ROBO1: variants seen among roughly 807,000 people sequenced by gnomAD.
ROBO1 encodes the protein roundabout homolog 1.
A neutral mutation model predicts 195.9 loss-of-function variants in ROBO1; 149 were observed. The observed-to-expected ratio is 0.76, with a 90% CI of 0.67 to 0.87. The LOEUF is 0.87. ROBO1 is among the 40% of genes least tolerant of loss of function. ROBO1 has a pLI of 0.00. For synonymous variants in ROBO1, 816 were observed against 733.2 expected, an observed-to-expected ratio of 1.11 and a Z score of -1.82; for missense variants, 1,933 against 2,068.3, an observed-to-expected ratio of 0.93 and a Z score of 1.27.
At chr3:79,573,481 ATATT>A (rs1393248969) in intron 2 of ROBO1, among the ~76,000 whole-genome samples, 3 of 152,130 alleles carry the variant, frequency 2.0e-5, no homozygotes, top group Non-Finnish European at 4.4e-5. Context: ...GTCTTCAATT[ATATT>A]TATTATTCAT....
chr3:79,733,764 C>T (rs1703255566), intron 1 of ROBO1, among the ~76,000 whole-genome samples: 1 of 152,102 alleles, frequency 6.6e-6, no homozygotes, highest in South Asian at 2.1e-4. Flanking sequence ...ATTTATCACA[C>T]TGCTTTGGGT....
At chr3:78,966,421 C>T (rs1326496165) in intron 3 of ROBO1, among the ~76,000 whole-genome samples, 1 of 152,176 alleles carries the variant, frequency 6.6e-6, no homozygotes, top group Non-Finnish European at 1.5e-5. Flanking sequence ...TGGTACATCA[C>T]AGTCGACGAG....
intron 3 of ROBO1, among the ~76,000 whole-genome samples, chr3:79,042,620 AGAGTTT>A (rs1234921248): frequency 6.6e-6 from 1 of 152,200 alleles, no homozygotes; most frequent in African/African-American, 2.4e-5. Context: ...AATCCTGCAG[AGAGTTT>A]CAAGCATACA....
intron 1 of ROBO1, among the ~76,000 whole-genome samples, chr3:79,614,100 A>C (rs938118048): frequency 6.6e-6 from 1 of 152,064 alleles, no homozygotes; most frequent in Non-Finnish European, 1.5e-5. Flanking sequence ...AGAATGAGAA[A>C]ATATCATTAG....
intron 8 of ROBO1, 23 bp from the exon 9 acceptor site, chr3:78,688,795 C>T: frequency 6.3e-7 from 1 of 1,596,636 alleles, no homozygotes. Flanking sequence ...AAACAAATTA[C>T]ACCGAATTAA....
intron 4 of ROBO1, among the ~76,000 whole-genome samples, chr3:78,783,715 C>T (rs1032301806): frequency 2.0e-5 from 3 of 152,108 alleles, no homozygotes; most frequent in Non-Finnish European, 2.9e-5. Flanking sequence ...TTTCACCTTA[C>T]GTCACACAAC....
intron 2 of ROBO1, among the ~76,000 whole-genome samples, chr3:79,288,643 T>C (rs2032043028): frequency 6.6e-6 from 1 of 152,136 alleles, no homozygotes; most frequent in African/African-American, 2.4e-5. Flanking sequence ...TTCCTTACAT[T>C]CAAAACCTCT....
rs559093369 is a variant in ROBO1, at chr3:79,055,212, G to T, written c.172+70244C>A. Among the ~76,000 whole-genome samples the T allele has an allele frequency of 4.6e-5, 7 of 152,168 alleles. No homozygotes were observed. The South Asian group carries it at 1.2e-3, about 27-fold the overall frequency. On this transcript the variant is annotated intron_variant, in intron 3 of 30. Coordinates refer to ENST00000464233, the MANE Select transcript of ROBO1 (RefSeq NM_002941.4). ...GATTAAATTAATCGTGTCTGCCAAG[G>T]TTCCTGTTTCCGTTCCGGCCAGTGA...
intron 2 of ROBO1, among the ~76,000 whole-genome samples, chr3:79,561,423 C>A (rs1270448723): frequency 1.3e-5 from 2 of 152,132 alleles, no homozygotes; most frequent in Non-Finnish European, 2.9e-5. Context: ...CACCTATGTG[C>A]CCTAAAAATT....
chr3:78,689,006 C>T (rs2081112425), intron 8 of ROBO1, among the ~76,000 whole-genome samples: 1 of 152,086 alleles, frequency 6.6e-6, no homozygotes, highest in South Asian at 2.1e-4. Flanking sequence ...TAAGATTTAA[C>T]CCACATAATG....
chr3:79,747,154 T>C (rs1262863557), intron 1 of ROBO1, among the ~76,000 whole-genome samples: 1 of 152,066 alleles, frequency 6.6e-6, no homozygotes, highest in African/African-American at 2.4e-5. Context: ...CAGATGTGTT[T>C]CTAGGTTTCA....
intron 3 of ROBO1, among the ~76,000 whole-genome samples, chr3:79,071,341 G>A (rs546753689): frequency 4.6e-4 from 69 of 150,738 alleles, no homozygotes; most frequent in African/African-American, 1.7e-3. Context: ...TTATCACTTT[G>A]GTTTTCTTCT....
chr3:79,616,475 C>A (rs1246470308), intron 1 of ROBO1, among the ~76,000 whole-genome samples: 1 of 151,998 alleles, frequency 6.6e-6, no homozygotes, highest in Admixed American at 6.6e-5. Flanking sequence ...ATGGGACGGC[C>A]CTAGGGTAAA....
intron 2 of ROBO1, among the ~76,000 whole-genome samples, chr3:79,376,779 G>A (rs2036401096): frequency 6.6e-6 from 1 of 152,024 alleles, no homozygotes; most frequent in Non-Finnish European, 1.5e-5. Flanking sequence ...ACTAATACAG[G>A]TAGTATTTTA....
intron 2 of ROBO1, among the ~76,000 whole-genome samples, chr3:79,198,102 A>T (rs1211924973): frequency 6.6e-6 from 1 of 152,040 alleles, no homozygotes; most frequent in African/African-American, 2.4e-5. Flanking sequence ...TCAGTCATGA[A>T]GTCTTTGCCC....
chr3:78,868,269 T>C (rs938836440), intron 4 of ROBO1, among the ~76,000 whole-genome samples: 1 of 152,038 alleles, frequency 6.6e-6, no homozygotes, highest in South Asian at 2.1e-4. Flanking sequence ...ATGGTAAACA[T>C]TGCAACATAC....
intron 2 of ROBO1, among the ~76,000 whole-genome samples, chr3:79,472,911 A>G (rs11923954): frequency 0.034 from 5,222 of 152,210 alleles, 203 homozygotes; most frequent in African/African-American, 0.098. Context: ...AGGAGCTTTT[A>G]AACTAAGAGC....
chr3:79,173,545 C>T (rs2081205958), intron 2 of ROBO1, among the ~76,000 whole-genome samples: 1 of 152,102 alleles, frequency 6.6e-6, no homozygotes, highest in South Asian at 2.1e-4. Flanking sequence ...CTCACTGGGC[C>T]TTATCTGCCT....
At chr3:79,129,443 T>A (rs1276406021) in intron 2 of ROBO1, among the ~76,000 whole-genome samples, 1 of 152,080 alleles carries the variant, frequency 6.6e-6, no homozygotes, top group Non-Finnish European at 1.5e-5. Flanking sequence ...CATATATACA[T>A]ACACACAAAC....
Sources: allele counts gnomAD v4.1 joint callset (sites outside exome capture counted in the v4.1 genomes callset), GRCh38; gene constraint gnomAD v4.1.1; transcripts MANE v1.5; gene names NCBI Gene and HGNC (gene_info 2026-07-23, HGNC 2026-07-21).